LRP1B: variants seen among roughly 807,000 people sequenced by gnomAD.
LRP1B encodes the protein low-density lipoprotein receptor-related protein 1B.
LRP1B carries 217 observed loss-of-function variants against 556.6 expected under a neutral mutation model. That is an observed-to-expected ratio of 0.39 (90% CI 0.35 to 0.44). LRP1B has a LOEUF of 0.44. Among genes scored for constraint, LRP1B ranks in the 20% least tolerant of loss-of-function variants. LRP1B has a pLI of 1.00. For missense variants in LRP1B, 5,053 were observed against 5,620.8 expected, an observed-to-expected ratio of 0.90 and a Z score of 3.23; for synonymous variants, 2,047 against 1,865.8, an observed-to-expected ratio of 1.10 and a Z score of -2.50.
intron 84 of LRP1B, among the ~76,000 whole-genome samples, chr2:140,285,781 A>T (rs541821819): frequency 6.6e-6 from 1 of 151,862 alleles, no homozygotes; most frequent in South Asian, 2.1e-4. Flanking sequence ...TTTTATTTAG[A>T]AAGACTATTT....
intron 3 of LRP1B, among the ~76,000 whole-genome samples, chr2:141,280,264 G>T (rs1022897470): frequency 6.6e-5 from 10 of 152,034 alleles, no homozygotes; most frequent in Admixed American, 6.5e-4. Context: ...AGTGCAAACA[G>T]TCCAGCTTCC....
chr2:142,082,348 T>C (rs1241408424), intron 1 of LRP1B, among the ~76,000 whole-genome samples: 2 of 152,192 alleles, frequency 1.3e-5, no homozygotes, highest in African/African-American at 2.4e-5. Flanking sequence ...TTTTTTCTCA[T>C]TTGGAAGGTA....
chr2:141,641,626 G>A lies in LRP1B; in HGVS notation c.206-161093C>T, dbSNP rs189891901. ...CAGTTAACTGTCTTCCAGTGAAGCTGCCCCATAAAATGGCATTATGAAAGC... is the reference window on the plus strand; with the variant it reads ...CAGTTAACTGTCTTCCAGTGAAGCTACCCCATAAAATGGCATTATGAAAGC... On this transcript the variant is annotated intron_variant, in intron 2 of 90. Coordinates refer to ENST00000389484, the MANE Select transcript of LRP1B (RefSeq NM_018557.3). Among the ~76,000 whole-genome samples, 15 of 152,148 alleles carry A rather than the reference G, an allele frequency of 9.9e-5. No homozygotes were observed. In the East Asian group the frequency reaches 2.9e-3, roughly 29 times the overall value.
chr2:140,949,912 C>G (rs1449853620), intron 20 of LRP1B, among the ~76,000 whole-genome samples: 3 of 72,064 alleles, frequency 4.2e-5, no homozygotes, highest in South Asian at 7.9e-4. Flanking sequence ...GCACTCCAGC[C>G]TGGGTGACAG....
intron 7 of LRP1B, among the ~76,000 whole-genome samples, chr2:141,137,192 A>T (rs1370595701): frequency 6.6e-6 from 1 of 151,958 alleles, no homozygotes; most frequent in Non-Finnish European, 1.5e-5. Context: ...AGTTTTAAAG[A>T]CTCAAGCAAA....
At chr2:141,544,277 T>C (rs1412732098) in intron 2 of LRP1B, among the ~76,000 whole-genome samples, 2 of 140,208 alleles carry the variant, frequency 1.4e-5, no homozygotes, top group Non-Finnish European at 3.1e-5. Flanking sequence ...AAGAAAGTCT[T>C]CTCTTAAGAA....
chr2:141,050,355 T>C (rs1357809578), intron 10 of LRP1B, among the ~76,000 whole-genome samples: 1 of 152,146 alleles, frequency 6.6e-6, no homozygotes, highest in Non-Finnish European at 1.5e-5. Context: ...TTACTTTAAG[T>C]TCTGGGTACA....
chr2:140,372,429 T>C (rs1683037099), intron 69 of LRP1B, among the ~76,000 whole-genome samples: 1 of 152,084 alleles, frequency 6.6e-6, no homozygotes, highest in Non-Finnish European at 1.5e-5. Context: ...CCACCAGTAA[T>C]ATTTTTCTGT....
chr2:140,692,602 T>G (rs1484795538), intron 41 of LRP1B, among the ~76,000 whole-genome samples: 4 of 152,130 alleles, frequency 2.6e-5, no homozygotes. Flanking sequence ...TGACTATACT[T>G]TAGTATGATT....
At chr2:140,678,642 C>T (rs1290289143) in intron 41 of LRP1B, among the ~76,000 whole-genome samples, 1 of 152,266 alleles carries the variant, frequency 6.6e-6, no homozygotes, top group South Asian at 2.1e-4. Context: ...TTTGTTAGGG[C>T]AGCCATAACA....
At chr2:141,051,087 G>A (rs551387755) in intron 10 of LRP1B, among the ~76,000 whole-genome samples, 12 of 152,004 alleles carry the variant, frequency 7.9e-5, no homozygotes, top group South Asian at 2.1e-4. Flanking sequence ...ATACTATCTC[G>A]CACCAGTCAA....
chr2:140,334,874 C>G (rs1042368327), intron 78 of LRP1B, among the ~76,000 whole-genome samples: 8 of 152,048 alleles, frequency 5.3e-5, no homozygotes, highest in Admixed American at 3.3e-4. Flanking sequence ...ATATTTCCAC[C>G]ACATGAAACT....
intron 3 of LRP1B, among the ~76,000 whole-genome samples, chr2:141,328,235 A>C (rs1423123062): frequency 1.3e-5 from 2 of 152,200 alleles, no homozygotes; most frequent in Non-Finnish European, 2.9e-5. Flanking sequence ...CACTGGCTCC[A>C]TGATCTTAAC....
chr2:141,918,757 C>T (rs1181301597), intron 1 of LRP1B, among the ~76,000 whole-genome samples: 1 of 152,098 alleles, frequency 6.6e-6, no homozygotes, highest in Non-Finnish European at 1.5e-5. Flanking sequence ...CCCAGTAATA[C>T]TACTTACTTA....
At chr2:140,483,815 A>AT (rs1328775313) in intron 59 of LRP1B, among the ~76,000 whole-genome samples, 2 of 151,130 alleles carry the variant, frequency 1.3e-5, no homozygotes, top group Non-Finnish European at 3.0e-5. Context: ...TAATTTTTGT[A>AT]TTTTTAGTAG....
chr2:141,780,260 T>C lies in LRP1B; in HGVS notation c.205+30019A>G, dbSNP rs185299493. Among the ~76,000 whole-genome samples the C allele has an allele frequency of 1.8e-3, 281 of 152,140 alleles. 1 individual carries two copies. The highest frequency in any genetic ancestry group is 6.5e-3 in the African/African-American group (268 of 41,516). ...AAACAATGGGGATAGGGAATCACTT[T>C]TCAGAGATGTTAAAAAGTAGTAGTT... is the stretch of plus-strand genomic sequence containing the variant. On this transcript the variant is annotated intron_variant, in intron 2 of 90. Transcript: ENST00000389484.
intron 50 of LRP1B, among the ~76,000 whole-genome samples, chr2:140,515,955 A>ATG (rs1689877802): frequency 1.3e-5 from 2 of 152,048 alleles, no homozygotes; most frequent in Admixed American, 1.3e-4. Flanking sequence ...GTGAATATAT[A>ATG]CCTTGTTTTC....
At position 142,115,573 on chromosome 2, in the gene LRP1B, T is replaced by A. The variant is rs796425418; in HGVS notation, c.82+15075A>T. The stretch of plus-strand genomic sequence containing the variant: ...TATATATTATATATGTAATATATAT[T>A]ATATATGTAATATATATATTATATA... On this transcript the variant is annotated intron_variant, in intron 1 of 90. Transcript: ENST00000389484. 2.0e-3 allele frequency among the ~76,000 whole-genome samples: 29 copies of A among 14,412 alleles called. 4 individuals are homozygous for A. The highest frequency in any genetic ancestry group is 3.6e-3 in the African/African-American group (19 of 5,312). The allele number at this position is 14,412 out of a possible 152,430, so 9.5% of individuals were successfully genotyped here. A position where few individuals can be genotyped will look rare whatever the true frequency, so the allele number is the denominator to read the frequency against.
intron 2 of LRP1B, among the ~76,000 whole-genome samples, chr2:141,554,330 A>C (rs978924134): frequency 6.7e-6 from 1 of 148,448 alleles, no homozygotes; most frequent in Non-Finnish European, 1.5e-5. Flanking sequence ...ACATAGATAT[A>C]GATTATATGT....
Sources: allele counts gnomAD v4.1 joint callset (sites outside exome capture counted in the v4.1 genomes callset), GRCh38; gene constraint gnomAD v4.1.1; transcripts MANE v1.5; gene names NCBI Gene and HGNC (gene_info 2026-07-23, HGNC 2026-07-21).